WNT9A: variants seen among roughly 807,000 people sequenced by gnomAD.
WNT9A encodes Wnt family member 9A.
In WNT9A, 8 loss-of-function variants were observed where a neutral mutation model predicts 31.4. The ratio of observed to expected loss-of-function variants is 0.26; its 90% confidence interval spans 0.15 to 0.46. The LOEUF (loss-of-function observed/expected upper bound fraction) is 0.46. WNT9A is among the 20% of genes least tolerant of loss of function. The pLI, the probability that WNT9A is intolerant of heterozygous loss-of-function variation, is 0.99. For synonymous variants in WNT9A, 236 were observed against 220.1 expected, an observed-to-expected ratio of 1.07 and a Z score of -0.64; for missense variants, 457 against 522.9, an observed-to-expected ratio of 0.87 and a Z score of 1.23.
At chr1:227,924,831 G>A (rs983695778) in intron 2 of WNT9A, among the ~76,000 whole-genome samples, 11 of 152,222 alleles carry the variant, frequency 7.2e-5, no homozygotes, top group Admixed American at 3.9e-4. Context: ...AATAGGCAGT[G>A]GAGAGCCCCT....
intron 3 of WNT9A, among the ~76,000 whole-genome samples, 157 bp from the exon 4 acceptor site, chr1:227,922,157 G>A (rs1434666579): frequency 6.6e-6 from 1 of 152,160 alleles, no homozygotes; most frequent in Admixed American, 6.5e-5. Context: ...ATCCAGCTCA[G>A]TCTCCCGGCT....
Position 227,928,617 on chromosome 1 carries a change from A to C in WNT9A, c.96-3098T>G. Among the ~76,000 whole-genome samples the C allele has an allele frequency of 6.6e-6, 1 of 152,196 alleles. No homozygotes were observed. The highest frequency in any genetic ancestry group is 2.4e-5 in the African/African-American group (1 of 41,460). ...CCTCAGGGGGTGCAGGTCTGAGGAT[A>C]AACAGGCAGACCACAGGCACCACAG... On this transcript the variant is annotated intron_variant, in intron 1 of 3. Transcript: ENST00000272164. The surrounding 1 kb of genome is among the most constrained non-coding windows in gnomAD (Gnocchi z 4.5).
chr1:227,926,360 C>T lies in WNT9A; in HGVS notation c.96-841G>A, dbSNP rs1452313333. 1.3e-5 allele frequency among the ~76,000 whole-genome samples: 2 copies of T among 152,096 alleles called. No homozygotes were observed. The highest frequency in any genetic ancestry group is 4.8e-5 in the African/African-American group (2 of 41,406). On this transcript the variant is annotated intron_variant, in intron 1 of 3. Coordinates refer to ENST00000272164, the MANE Select transcript of WNT9A (RefSeq NM_003395.4). The surrounding 1 kb of genome is among the most constrained non-coding windows in gnomAD (Gnocchi z 5.0). ...CTCCACCCCACTGGGTGCCCCCTCC[C>T]CCCAGCTGGCTGCTGGCTCACCTGC... is the stretch of plus-strand genomic sequence containing the variant.
chr1:227,943,823 T>G (rs542710036), intron 1 of WNT9A, among the ~76,000 whole-genome samples: 1 of 151,908 alleles, frequency 6.6e-6, no homozygotes, highest in African/African-American at 2.4e-5. Flanking sequence ...AAAAATAAAA[T>G]TTAAAAAAAT....
chr1:227,947,286 G>A (rs1340774112), intron 1 of WNT9A, among the ~76,000 whole-genome samples: 1 of 151,646 alleles, frequency 6.6e-6, no homozygotes, highest in South Asian at 2.1e-4. Context: ...AATTCCTCCA[G>A]CTTGGAGGAT....
intron 3 of WNT9A, among the ~76,000 whole-genome samples, chr1:227,923,787 C>A (rs1171518861): frequency 6.6e-6 from 1 of 152,148 alleles, no homozygotes; most frequent in Admixed American, 6.5e-5. Context: ...ACAGGTGGGG[C>A]CCACAGTGCC....
chr1:227,946,497 G>A (rs769600298), intron 1 of WNT9A, among the ~76,000 whole-genome samples: 1 of 152,220 alleles, frequency 6.6e-6, no homozygotes, highest in Non-Finnish European at 1.5e-5. Context: ...CACAGATGGC[G>A]TGCAGTGGCG....
intron 1 of WNT9A, among the ~76,000 whole-genome samples, chr1:227,944,585 G>A (rs1484837136): frequency 1.3e-5 from 2 of 152,076 alleles, no homozygotes; most frequent in African/African-American, 2.4e-5. Context: ...ATTCACAGTG[G>A]TCACTCCCTC....
chr1:227,930,017 G>A (rs1431107245), intron 1 of WNT9A, among the ~76,000 whole-genome samples: 2 of 152,186 alleles, frequency 1.3e-5, no homozygotes, highest in African/African-American at 4.8e-5. Flanking sequence ...TGCCATAGCA[G>A]CCTGCGTAAA....
intron 1 of WNT9A, chr1:227,941,828 C>G (rs1227747240): frequency 6.6e-6 from 1 of 152,274 alleles, no homozygotes; most frequent in African/African-American, 2.4e-5. Context: ...ACAACTGCAC[C>G]GGTCCTGACC....
At chr1:227,935,408 CAG>C (rs1433387123) in intron 1 of WNT9A, among the ~76,000 whole-genome samples, 1 of 151,946 alleles carries the variant, frequency 6.6e-6, no homozygotes, top group Non-Finnish European at 1.5e-5. Context: ...GGCTGCCAAA[CAG>C]AGACCAAGTC....
intron 1 of WNT9A, among the ~76,000 whole-genome samples, chr1:227,927,282 G>A (rs1212373934): frequency 6.6e-6 from 1 of 152,198 alleles, no homozygotes; most frequent in African/African-American, 2.4e-5. Flanking sequence ...CTGCCAGGGA[G>A]TGGGTAGAGG....
At position 227,928,560 on chromosome 1, in the gene WNT9A, C is replaced by G. The variant is rs1666457561; in HGVS notation, c.96-3041G>C. Among the ~76,000 whole-genome samples the G allele has an allele frequency of 6.6e-6, 1 of 152,216 alleles. No homozygotes were observed. The highest frequency in any genetic ancestry group is 1.5e-5 in the Non-Finnish European group (1 of 68,028). Reference sequence around the variant, plus strand: ...ATGCCTCCTTCATTGTCAGGGTGGGCTCCACATGCAGCCAACTGAAGGGAC... The same window carrying G: ...ATGCCTCCTTCATTGTCAGGGTGGGGTCCACATGCAGCCAACTGAAGGGAC... On this transcript the variant is annotated intron_variant, in intron 1 of 3. Transcript: ENST00000272164. The surrounding 1 kb of genome is among the most constrained non-coding windows in gnomAD (Gnocchi z 4.5).
chr1:227,931,478 T>C (rs1666509618), intron 1 of WNT9A, among the ~76,000 whole-genome samples: 1 of 152,230 alleles, frequency 6.6e-6, no homozygotes, highest in Admixed American at 6.5e-5. Context: ...TGAGCTATTC[T>C]TGGCAAAAAG....
At chr1:227,944,154 C>A (rs138334891) in intron 1 of WNT9A, among the ~76,000 whole-genome samples, 1 of 152,120 alleles carries the variant, frequency 6.6e-6, no homozygotes, top group Non-Finnish European at 1.5e-5. Context: ...AACTGATGAA[C>A]GGTCAAAAAA....
chr1:227,940,091 G>A lies in WNT9A; in HGVS notation c.95+7702C>T, dbSNP rs149442380. Among the ~76,000 whole-genome samples, 992 of 152,284 alleles carry A rather than the reference G, an allele frequency of 6.5e-3. 6 individuals carry two copies. The highest frequency in any genetic ancestry group is 5.9e-3 in the Non-Finnish European group (401 of 68,028). ...CCCCCTCCACCCTGCTGAAAGCACC[G>A]TGTCCCATGGCAGCCCCTGGAATAA... On this transcript the variant is annotated intron_variant, in intron 1 of 3. Coordinates refer to ENST00000272164, the MANE Select transcript of WNT9A (RefSeq NM_003395.4).
At position 227,920,108 on chromosome 1, in the gene WNT9A, C is replaced by G. The variant is rs1013707947; in HGVS notation, c.*1410G>C. 6.6e-6 allele frequency: 1 copy of G among 152,362 alleles called. No homozygotes were observed. The highest frequency in any genetic ancestry group is 1.9e-4 in the East Asian group (1 of 5,188). The allele number at this position is 152,362 out of a possible 1,614,324, so 9.4% of individuals were successfully genotyped here. A position where few individuals can be genotyped will look rare whatever the true frequency, so the allele number is the denominator to read the frequency against. ...CCGCCCCTCTCCACCACCCCCAGCTCGAGAATCTGCACTGAGCTGCCTGGA... is the reference window on the plus strand; with the variant it reads ...CCGCCCCTCTCCACCACCCCCAGCTGGAGAATCTGCACTGAGCTGCCTGGA... On this transcript the variant is annotated 3_prime_UTR_variant, in exon 4 of 4. Coordinates refer to ENST00000272164, the MANE Select transcript of WNT9A (RefSeq NM_003395.4).
At chr1:227,924,540 G>A in intron 2 of WNT9A, 140 bp from the exon 3 acceptor site, 1 of 1,302,126 alleles carries the variant, frequency 7.7e-7, no homozygotes, top group Non-Finnish European at 1.0e-6. Flanking sequence ...TCGGGACAGG[G>A]TGTGGGTGTG....
intron 1 of WNT9A, among the ~76,000 whole-genome samples, chr1:227,947,014 A>C (rs2102734104): frequency 6.6e-6 from 1 of 152,338 alleles, no homozygotes; most frequent in East Asian, 1.9e-4. Context: ...AGCGCGCCCA[A>C]AGCGCAGCGA....
Sources: gnomAD v4.1 joint callset for allele counts (sites outside exome capture counted in the v4.1 genomes callset) on GRCh38, gnomAD v4.1.1 for gene constraint, Gnocchi (gnomAD v3.1) non-coding constraint, MANE v1.5 for transcripts, NCBI Gene and HGNC (gene_info 2026-07-23, HGNC 2026-07-21) for gene names.